Variants in NCALD observed in about 807,000 individuals in gnomAD.
NCALD encodes the protein neurocalcin delta.
Under a neutral mutation model 18.6 loss-of-function variants are expected in NCALD, and 10 were observed. That is an observed-to-expected ratio of 0.54 (90% CI 0.33 to 0.91). The LOEUF (loss-of-function observed/expected upper bound fraction) is 0.91, where lower values mean the gene tolerates loss of function less well. Ranked by LOEUF, NCALD falls within the 40% of genes least tolerant of loss-of-function variation. The pLI, the probability that NCALD is intolerant of heterozygous loss-of-function variation, is 0.03. For missense variants in NCALD, 184 were observed against 247.6 expected (o/e 0.74, Z 1.72); for synonymous variants, 88 against 87.4 (o/e 1.01, Z -0.04).
chr8:101,776,846 C>T (rs1029907440), intron 1 of NCALD, among the ~76,000 whole-genome samples: 40 of 152,110 alleles, frequency 2.6e-4, no homozygotes, highest in African/African-American at 7.0e-4. Flanking sequence ...TATTGAACTG[C>T]GGACGCAACC....
chr8:101,915,669 TTTTA>T (rs1448737327), intron 3 of NCALD: 1 of 152,232 alleles, frequency 6.6e-6, no homozygotes, highest in Non-Finnish European at 1.5e-5. Context: ...CTTTAGTATC[TTTTA>T]TATATACAAA....
intron 2 of NCALD, among the ~76,000 whole-genome samples, chr8:101,696,102 G>A (rs187625147): frequency 6.6e-6 from 1 of 152,088 alleles, no homozygotes; most frequent in African/African-American, 2.4e-5. Flanking sequence ...ACCCACCATT[G>A]CAGACGATCT....
chr8:101,831,356 G>A (rs1007839549), intron 4 of NCALD, among the ~76,000 whole-genome samples: 2 of 152,054 alleles, frequency 1.3e-5, no homozygotes, highest in Admixed American at 6.5e-5. Context: ...TACTGCTTGG[G>A]AAGATCTACC....
intron 4 of NCALD, among the ~76,000 whole-genome samples, chr8:101,825,617 C>T (rs1813903068): frequency 6.6e-6 from 1 of 152,218 alleles, no homozygotes. Context: ...ACCTAAGTGG[C>T]AGGATATCCT....
intron 2 of NCALD, among the ~76,000 whole-genome samples, chr8:101,929,128 C>T (rs1195974917): frequency 2.0e-5 from 3 of 151,034 alleles, no homozygotes; most frequent in African/African-American, 7.3e-5. Flanking sequence ...CCATCATATA[C>T]ATAAAATGTT....
chr8:101,950,681 C>T (rs900421776), intron 2 of NCALD, among the ~76,000 whole-genome samples: 9 of 152,124 alleles, frequency 5.9e-5, no homozygotes, highest in African/African-American at 1.9e-4. Flanking sequence ...GACATTGTGT[C>T]CCCCCACTTG....
intron 3 of NCALD, among the ~76,000 whole-genome samples, chr8:101,891,670 C>G (rs900063123): frequency 2.6e-5 from 4 of 152,208 alleles, no homozygotes; most frequent in Non-Finnish European, 5.9e-5. Flanking sequence ...CGAGTGCGAG[C>G]CGAAGCAGGG....
intron 1 of NCALD, among the ~76,000 whole-genome samples, chr8:101,728,899 T>C (rs1816691990): frequency 6.6e-6 from 1 of 152,232 alleles, no homozygotes; most frequent in African/African-American, 2.4e-5. Context: ...TCTTGTCCAC[T>C]AACAGTTGCT....
chr8:102,064,365 G>C (rs888908663), intron 1 of NCALD, among the ~76,000 whole-genome samples: 2 of 152,182 alleles, frequency 1.3e-5, no homozygotes, highest in Non-Finnish European at 2.9e-5. Flanking sequence ...TCAGGTACAT[G>C]CTCCTTTAAC....
At chr8:101,970,654 T>C (rs780502830) in intron 2 of NCALD, among the ~76,000 whole-genome samples, 8 of 152,220 alleles carry the variant, frequency 5.3e-5, no homozygotes, top group Non-Finnish European at 7.3e-5. Context: ...GACAGAATTC[T>C]GCTTCTATCA....
At chr8:102,062,777 AG>A (rs1469702814) in intron 1 of NCALD, among the ~76,000 whole-genome samples, 1 of 152,172 alleles carries the variant, frequency 6.6e-6, no homozygotes, top group East Asian at 1.9e-4. Context: ...GAGGAGTACA[AG>A]GGGCCAAGCC....
chr8:101,712,587 CA>C (rs201729096), intron 2 of NCALD, among the ~76,000 whole-genome samples: 5,212 of 76,834 alleles, frequency 0.068, 52 homozygotes, highest in Middle Eastern at 0.078. Flanking sequence ...AAATGGAAAG[CA>C]AAAAAAAAAA....
intron 1 of NCALD, among the ~76,000 whole-genome samples, chr8:102,058,445 G>A (rs1823729028): frequency 6.6e-6 from 1 of 152,086 alleles, no homozygotes; most frequent in Non-Finnish European, 1.5e-5. Context: ...CTGTCCCTGT[G>A]GGCACCATTC....
intron 4 of NCALD, among the ~76,000 whole-genome samples, chr8:101,839,337 T>C (rs1814544647): frequency 6.6e-6 from 1 of 151,984 alleles, no homozygotes; most frequent in East Asian, 1.9e-4. Context: ...TATTGCAGTT[T>C]GGCTGAGTGG....
chr8:102,121,242 C>T (rs745756462), intron 1 of NCALD, among the ~76,000 whole-genome samples: 4 of 152,094 alleles, frequency 2.6e-5, no homozygotes, highest in South Asian at 2.1e-4. Context: ...TTGTTTACAA[C>T]GCTTTAAAAA....
intron 2 of NCALD, among the ~76,000 whole-genome samples, chr8:101,714,680 C>T (rs1243407036): frequency 6.6e-6 from 1 of 152,026 alleles, no homozygotes; most frequent in Non-Finnish European, 1.5e-5. Context: ...GCCTGTATAG[C>T]CAAGACAATT....
chr8:101,766,590 T>C (rs558030320), intron 1 of NCALD, among the ~76,000 whole-genome samples: 1 of 152,194 alleles, frequency 6.6e-6, no homozygotes, highest in African/African-American at 2.4e-5. Context: ...TGTTTGTTGT[T>C]TTTGTTTTTG....
intron 2 of NCALD, among the ~76,000 whole-genome samples, chr8:101,946,773 A>C (rs752391520): frequency 6.6e-6 from 1 of 151,088 alleles, no homozygotes. Context: ...AGCATTGAAA[A>C]CAAAGCCCTC....
At chr8:101,801,033 G>T in intron 4 of NCALD, among the ~76,000 whole-genome samples, 1 of 149,964 alleles carries the variant, frequency 6.7e-6, no homozygotes, top group Non-Finnish European at 1.5e-5. Context: ...AAGGATGAAG[G>T]AAAGAAAAGG....
Sources: allele counts gnomAD v4.1 joint callset (sites outside exome capture counted in the v4.1 genomes callset), GRCh38; gene constraint gnomAD v4.1.1; transcripts MANE v1.5; gene names NCBI Gene and HGNC (gene_info 2026-07-23, HGNC 2026-07-21).